DGKI: variants seen among roughly 807,000 people sequenced by gnomAD.
The protein encoded by DGKI is DAG kinase iota.
In DGKI, 55 loss-of-function variants were observed where a neutral mutation model predicts 147.5. The observed-to-expected ratio is 0.37, with a 90% CI of 0.30 to 0.47. The LOEUF is 0.47. Ranked by LOEUF, DGKI falls within the 20% of genes least tolerant of loss-of-function variation. The pLI, the probability that DGKI is intolerant of heterozygous loss-of-function variation, is 1.00. For synonymous variants in DGKI, 469 were observed against 477.1 expected, an observed-to-expected ratio of 0.98 and a Z score of 0.22; for missense variants, 1,007 against 1,323.8, an observed-to-expected ratio of 0.76 and a Z score of 3.71.
chr7:137,493,839 G>C (rs1286090212), intron 21 of DGKI: 2 of 698,022 alleles, frequency 2.9e-6, no homozygotes, highest in African/African-American at 3.5e-5. Context: ...TGAAATAGCT[G>C]AAATGACAGA....
intron 12 of DGKI, among the ~76,000 whole-genome samples, chr7:137,595,060 C>T (rs569578051): frequency 1.3e-5 from 2 of 152,260 alleles, no homozygotes; most frequent in African/African-American, 2.4e-5. Context: ...TTGTGAATTA[C>T]ATCAGAGGAG....
At chr7:137,638,608 A>ATG (rs1333181375) in intron 6 of DGKI, among the ~76,000 whole-genome samples, 2 of 1,382 alleles carry the variant, frequency 1.4e-3, no homozygotes, top group Non-Finnish European at 9.3e-3. Flanking sequence ...ATATGTATAT[A>ATG]TATACACACA....
rs181064545 is a variant in DGKI, at chr7:137,785,308, C to T, written c.401+61154G>A. 1.5e-3 allele frequency among the ~76,000 whole-genome samples: 231 copies of T among 150,292 alleles called. 1 individual carries two copies. Among genetic ancestry groups the T allele is most frequent in the African/African-American group, 5.5e-3 (223 of 40,852 alleles). On this transcript the variant is annotated intron_variant, in intron 1 of 32. Coordinates refer to ENST00000614521, the MANE Select transcript of DGKI (RefSeq NM_001321708.2). Reference sequence around the variant, plus strand: ...AAAATGGGAGATATTACAACTAATACCACAGAAATACAAGGCTACTATGAA... The same window carrying T: ...AAAATGGGAGATATTACAACTAATATCACAGAAATACAAGGCTACTATGAA...
In DGKI at chr7:137,643,291, A is replaced by C. The variant is rs1292178394; in HGVS notation, c.804+2181T>G. The stretch of plus-strand genomic sequence containing the variant: ...GGGAGACACAGCGAGACTCCGTCTC[A>C]AAAAAAAAAAAAAAAAAAAAAAAAA... On this transcript the variant is annotated intron_variant, in intron 6 of 32. Coordinates refer to ENST00000614521, the MANE Select transcript of DGKI (RefSeq NM_001321708.2). Among the ~76,000 whole-genome samples, 5 of 6,132 alleles carry C rather than the reference A, an allele frequency of 8.2e-4. No homozygotes were observed. The East Asian group carries it at 0.062, about 77-fold the overall frequency. The allele number at this position is 6,132 out of a possible 152,430, so 4.0% of individuals were successfully genotyped here.
At chr7:137,460,670 C>G (rs777045957) in intron 27 of DGKI, among the ~76,000 whole-genome samples, 9 of 152,168 alleles carry the variant, frequency 5.9e-5, no homozygotes, top group African/African-American at 7.2e-5. Context: ...CTTTGAGCAT[C>G]AGGTCAGCAC....
At position 137,678,538 on chromosome 7, in the gene DGKI, A is replaced by G. The variant is rs574298177; in HGVS notation, c.606+19T>C. The G allele has an allele frequency of 6.2e-7, 1 of 1,613,078 alleles. No homozygotes were observed. The highest frequency in any genetic ancestry group is 1.1e-5 in the South Asian group (1 of 91,052). ...CAGATCCACAGGCCTTCCCCCAGCAAGACGGAGCGCACACTCACTGCAAAT... is the reference window on the plus strand; with the variant it reads ...CAGATCCACAGGCCTTCCCCCAGCAGGACGGAGCGCACACTCACTGCAAAT... On this transcript the variant is annotated intron_variant, in intron 3 of 32. Transcript: ENST00000614521.
intron 28 of DGKI, among the ~76,000 whole-genome samples, chr7:137,420,626 A>G (rs1212330035): frequency 1.3e-5 from 2 of 150,244 alleles, no homozygotes; most frequent in Non-Finnish European, 3.0e-5. Flanking sequence ...TTGGAGAAGA[A>G]AAAAAAAAAG....
intron 19 of DGKI, 126 bp from the exon 20 acceptor site, chr7:137,552,694 T>A (rs2692003): frequency 0.049 from 43,576 of 892,814 alleles, 3,949 homozygotes; most frequent in African/African-American, 0.3. Flanking sequence ...GGATCACCGG[T>A]GGTCAGGAGT....
At chr7:137,830,571 G>T (rs1396219250) in intron 1 of DGKI, among the ~76,000 whole-genome samples, 1 of 152,234 alleles carries the variant, frequency 6.6e-6, no homozygotes, top group African/African-American at 2.4e-5. Flanking sequence ...AACCCAGTAT[G>T]CTGTCAAATT....
chr7:137,656,618 A>G (rs1353948377), intron 3 of DGKI, 78 bp from the exon 4 acceptor site: 6 of 1,301,964 alleles, frequency 4.6e-6, no homozygotes, highest in Non-Finnish European at 1.1e-6. Context: ...TAAAGTGGGC[A>G]TATATAATAA....
Position 137,699,078 on chromosome 7 carries a change from A to G in DGKI, c.402-9076T>C, listed in dbSNP as rs138937093. Reference sequence around the variant, plus strand: ...TCTGGAGGTTGGAGAACCCAAGATCAAGGTGCCAGCAGATTCAATGTCCGG... The same window carrying G: ...TCTGGAGGTTGGAGAACCCAAGATCGAGGTGCCAGCAGATTCAATGTCCGG... On this transcript the variant is annotated intron_variant, in intron 1 of 32. Coordinates refer to ENST00000614521, the MANE Select transcript of DGKI (RefSeq NM_001321708.2). Among the ~76,000 whole-genome samples, 1,374 of 152,346 alleles carry G rather than the reference A, an allele frequency of 9.0e-3. 21 individuals carry two copies. The highest frequency in any genetic ancestry group is 0.029 in the African/African-American group (1,201 of 41,584).
At chr7:137,643,073 C>T (rs951088982) in intron 6 of DGKI, among the ~76,000 whole-genome samples, 7 of 151,302 alleles carry the variant, frequency 4.6e-5, no homozygotes, top group South Asian at 2.1e-4. Context: ...GGGCGGATCA[C>T]GAGGTCAGGA....
At chr7:137,501,843 C>A (rs1261063824) in intron 21 of DGKI, among the ~76,000 whole-genome samples, 1 of 152,132 alleles carries the variant, frequency 6.6e-6, no homozygotes, top group Non-Finnish European at 1.5e-5. Flanking sequence ...TGACCCCACC[C>A]AAATCTCATC....
Position 137,846,417 on chromosome 7 carries a change from C to T in DGKI, c.401+45G>A, listed in dbSNP as rs373980708. On this transcript the variant is annotated intron_variant, in intron 1 of 32. Coordinates refer to ENST00000614521, the MANE Select transcript of DGKI (RefSeq NM_001321708.2). This position sits in a 1 kb window ranked among gnomAD's most constrained non-coding sequence, Gnocchi z 4.0. ...CCTTGCTGGGTAGAAGAGTGGGTCT[C>T]CCGCCGCGGCGCACCTGTCTCGGCT... is the stretch of plus-strand genomic sequence containing the variant. The T allele has an allele frequency of 2.7e-5, 40 of 1,474,182 alleles. No homozygotes were observed. The East Asian group carries it at 6.0e-4, about 22-fold the overall frequency. The allele number at this position is 1,474,182 out of a possible 1,614,324, so 91.3% of individuals were successfully genotyped here. A position where few individuals can be genotyped will look rare whatever the true frequency, so the allele number is the denominator to read the frequency against.
chr7:137,792,617 G>A (rs4732268), intron 1 of DGKI, among the ~76,000 whole-genome samples: 55,098 of 152,116 alleles, frequency 0.36, 10,672 homozygotes, highest in African/African-American at 0.49. Context: ...ATCTCATGTT[G>A]AAATGTGATC....
intron 1 of DGKI, among the ~76,000 whole-genome samples, chr7:137,739,912 C>A (rs1034476480): frequency 6.6e-6 from 1 of 152,198 alleles, no homozygotes; most frequent in Non-Finnish European, 1.5e-5. Flanking sequence ...TAAGTGAGAA[C>A]TACTGTTGGT....
At chr7:137,809,312 C>T (rs564047709) in intron 1 of DGKI, among the ~76,000 whole-genome samples, 3 of 152,164 alleles carry the variant, frequency 2.0e-5, no homozygotes, top group Admixed American at 1.3e-4. Flanking sequence ...ATTGATGTCT[C>T]GGGCACAGTT....
chr7:137,459,408 T>C (rs1211683143), intron 27 of DGKI, among the ~76,000 whole-genome samples: 1 of 152,084 alleles, frequency 6.6e-6, no homozygotes, highest in Admixed American at 6.5e-5. Flanking sequence ...TTCAGTACTT[T>C]TTTCTTTTAA....
chr7:137,635,230 A>G (rs1821268936), intron 6 of DGKI, among the ~76,000 whole-genome samples: 1 of 152,128 alleles, frequency 6.6e-6, no homozygotes, highest in Non-Finnish European at 1.5e-5. Context: ...TGTGGGTCCA[A>G]TAGCATGGGT....
Sources: allele counts gnomAD v4.1 joint callset (sites outside exome capture counted in the v4.1 genomes callset), GRCh38; gene constraint gnomAD v4.1.1; non-coding constraint Gnocchi (gnomAD v3.1); transcripts MANE v1.5; gene names NCBI Gene and HGNC (gene_info 2026-07-23, HGNC 2026-07-21).